The following MAP2 variants were observed in gnomAD, a reference collection of about 807,000 sequenced individuals.
MAP2 encodes the protein microtubule-associated protein 2.
In MAP2, 14 loss-of-function variants were observed where a neutral mutation model predicts 137.6. The ratio of observed to expected loss-of-function variants is 0.10; its 90% CI spans 0.07 to 0.16. MAP2 has a LOEUF of 0.16. MAP2 is among the 10% of genes least tolerant of loss of function. The pLI is 1.00. For synonymous variants in MAP2, 786 were observed against 782.3 expected (o/e 1.00, Z -0.08); for missense variants, 2,088 against 2,191.5 (o/e 0.95, Z 0.94).
intron 13 of MAP2, among the ~76,000 whole-genome samples, chr2:209,719,411 A>G (rs1163178740): frequency 6.6e-6 from 1 of 152,204 alleles, no homozygotes; most frequent in Non-Finnish European, 1.5e-5. Context: ...TGCTCAAGAA[A>G]TTCAAGTTGA....
At chr2:209,676,860 T>G (rs1420954695) in intron 5 of MAP2, among the ~76,000 whole-genome samples, 1 of 149,708 alleles carries the variant, frequency 6.7e-6, no homozygotes, top group Non-Finnish European at 1.5e-5. Flanking sequence ...GCTACCTCAC[T>G]CTACTGATTT....
At chr2:209,552,181 T>A (rs1189076623) in intron 2 of MAP2, among the ~76,000 whole-genome samples, 2 of 152,212 alleles carry the variant, frequency 1.3e-5, no homozygotes, top group Non-Finnish European at 2.9e-5. Context: ...AACAAAAATG[T>A]CTATAATAAA....
At chr2:209,593,619 CAAA>C (rs781329429) in intron 3 of MAP2, among the ~76,000 whole-genome samples, 8 of 2,926 alleles carry the variant, frequency 2.7e-3, no homozygotes, top group South Asian at 0.05. Context: ...CCTGTCTCTA[CAAA>C]AAAAAAAAAA....
intron 3 of MAP2, among the ~76,000 whole-genome samples, chr2:209,615,905 A>G (rs1003158504): frequency 7.2e-5 from 11 of 152,124 alleles, no homozygotes; most frequent in Admixed American, 6.5e-5. Flanking sequence ...GCTTTTCTGC[A>G]TACTCACAAA....
At chr2:209,585,254 TA>T (rs1034953786) in intron 3 of MAP2, among the ~76,000 whole-genome samples, 1,581 of 130,438 alleles carry the variant, frequency 0.012, 21 homozygotes, top group African/African-American at 0.037. Flanking sequence ...AATGAAGAAT[TA>T]AAAAAAAAAA....
intron 1 of MAP2, among the ~76,000 whole-genome samples, chr2:209,468,601 T>C (rs1319423785): frequency 6.6e-6 from 1 of 152,004 alleles, no homozygotes; most frequent in East Asian, 1.9e-4. Context: ...ATTACGGGCA[T>C]GAGCCACCGC....
At chr2:209,540,097 TAAAAAAA>T (rs35280709) in intron 2 of MAP2, among the ~76,000 whole-genome samples, 7 of 39,524 alleles carry the variant, frequency 1.8e-4, no homozygotes, top group African/African-American at 4.8e-4. Context: ...GGAGACGTTG[TAAAAAAA>T]AAAAAAAAAA....
At chr2:209,433,242 T>C (rs1172141845) in intron 1 of MAP2, among the ~76,000 whole-genome samples, 1 of 152,084 alleles carries the variant, frequency 6.6e-6, no homozygotes, top group Non-Finnish European at 1.5e-5. Flanking sequence ...GAATATACAA[T>C]AAACATATAT....
At chr2:209,432,683 G>A (rs878920815) in intron 1 of MAP2, among the ~76,000 whole-genome samples, 1 of 152,062 alleles carries the variant, frequency 6.6e-6, no homozygotes, top group Admixed American at 6.6e-5. Context: ...GAGTCAGAGT[G>A]ACTGTTTTAT....
intron 12 of MAP2, among the ~76,000 whole-genome samples, chr2:209,709,093 T>A (rs984684032): frequency 2.0e-5 from 3 of 152,146 alleles, no homozygotes; most frequent in African/African-American, 7.2e-5. Context: ...AATATGAGGC[T>A]GAGCTCAACT....
intron 1 of MAP2, among the ~76,000 whole-genome samples, chr2:209,461,099 TAAAC>T (rs1019593438): frequency 1.3e-5 from 2 of 152,074 alleles, no homozygotes; most frequent in African/African-American, 4.8e-5. Context: ...AAAGTAAAAA[TAAAC>T]AAACAACCCA....
At chr2:209,543,672 G>C (rs1459472513) in intron 2 of MAP2, among the ~76,000 whole-genome samples, 1 of 152,132 alleles carries the variant, frequency 6.6e-6, no homozygotes, top group Admixed American at 6.5e-5. Flanking sequence ...AAACTATTTT[G>C]TATCTGTTTC....
intron 7 of MAP2, among the ~76,000 whole-genome samples, chr2:209,687,650 C>T (rs950598251): frequency 1.3e-5 from 2 of 152,044 alleles, no homozygotes; most frequent in South Asian, 2.1e-4. Context: ...GTGTTTGTTT[C>T]GTCCGTCTGA....
chr2:209,661,515 G>C (rs1332490609), intron 5 of MAP2: 2 of 985,336 alleles, frequency 2.0e-6, no homozygotes, highest in Admixed American at 1.2e-4. Context: ...GGGTGGATCT[G>C]CAGAAAATCA....
At chr2:209,536,022 A>G (rs550276560) in intron 2 of MAP2, among the ~76,000 whole-genome samples, 1 of 152,152 alleles carries the variant, frequency 6.6e-6, no homozygotes, top group Non-Finnish European at 1.5e-5. Context: ...GTTCTTCAAA[A>G]CTTTCTTAGA....
intron 1 of MAP2, among the ~76,000 whole-genome samples, chr2:209,459,196 TCTC>T: frequency 6.6e-6 from 1 of 152,236 alleles, no homozygotes; most frequent in South Asian, 2.1e-4. Context: ...CTTTATTAGC[TCTC>T]ATCTTGGGTA....
At chr2:209,479,787 T>A (rs943934894) in intron 1 of MAP2, among the ~76,000 whole-genome samples, 2 of 152,176 alleles carry the variant, frequency 1.3e-5, no homozygotes, top group African/African-American at 4.8e-5. Flanking sequence ...TTAAAGTTTT[T>A]AAATTACATT....
At chr2:209,448,401 G>A (rs1057388329) in intron 1 of MAP2, among the ~76,000 whole-genome samples, 1 of 152,044 alleles carries the variant, frequency 6.6e-6, no homozygotes, top group Non-Finnish European at 1.5e-5. Context: ...TGCTTCCCAA[G>A]GATTAACAGA....
In MAP2 at chr2:209,693,238, C is replaced by A. The variant is rs1296160164; in HGVS notation, c.1068C>A (p.Thr356=). The change falls in exon 8 of 16, where the codon ACC becomes ACA. Residue 356 remains threonine (T), a synonymous_variant. Transcript: ENST00000682079. ...QPDDKKSLQQ[T]SGPATAKDSF... ...ATGACAAAAAATCTCTGCAACAAAC[C>A]AGTGGCCCAGCTACTGCCAAAGATA... 6.2e-7 allele frequency: 1 copy of A among 1,614,030 alleles called. No homozygotes were observed. The highest frequency in any genetic ancestry group is 1.7e-5 in the Admixed American group (1 of 59,990).
Sources: allele counts gnomAD v4.1 joint callset (sites outside exome capture counted in the v4.1 genomes callset), GRCh38; gene constraint gnomAD v4.1.1; transcripts MANE v1.5; gene names NCBI Gene and HGNC (gene_info 2026-07-23, HGNC 2026-07-21).